ACSL6: variants seen among roughly 807,000 people sequenced by gnomAD.
The protein encoded by ACSL6 is long-chain-fatty-acid--CoA ligase 6.
ACSL6 carries 47 observed loss-of-function variants against 98.2 expected under a neutral mutation model. The observed-to-expected ratio is 0.48, with a 90% CI of 0.38 to 0.61. The LOEUF (loss-of-function observed/expected upper bound fraction) is 0.61, where lower values mean the gene tolerates loss of function less well. Ranked by LOEUF, ACSL6 falls within the 20% of genes least tolerant of loss-of-function variation. The pLI is 0.00. For missense variants in ACSL6, 761 were observed against 913.4 expected, an observed-to-expected ratio of 0.83 and a Z score of 2.15; for synonymous variants, 362 against 336.9, an observed-to-expected ratio of 1.07 and a Z score of -0.82.
chr5:132,010,859 C>T (rs1383805844), intron 1 of ACSL6, among the ~76,000 whole-genome samples: 3 of 152,066 alleles, frequency 2.0e-5, no homozygotes, highest in Non-Finnish European at 4.4e-5. Flanking sequence ...GAGGCGGGAT[C>T]GAGCAGGGGT....
At chr5:131,973,780 G>A (rs553526219) in intron 11 of ACSL6, 1 of 165,700 alleles carries the variant, frequency 6.0e-6, no homozygotes, top group South Asian at 1.8e-4. Context: ...AGGTCTTAGA[G>A]TTGTTGGATT....
rs115302912 is a variant in ACSL6 at position 131,966,477 on chromosome 5, G to A, written c.1652C>T (p.Thr551Met). The A allele has an allele frequency of 3.0e-4, 491 of 1,614,142 alleles. 2 individuals carry two copies. The African/African-American group carries it at 4.8e-3, about 16-fold the overall frequency. The change falls in exon 17 of 21, where the codon ACG becomes ATG. Residue 551 changes from threonine (T) to methionine (M), a missense_variant. Thr to Met is a moderately conservative substitution (Grantham distance 81). Coordinates refer to ENST00000651883, the MANE Select transcript of ACSL6 (RefSeq NM_001009185.3). ...GCCATCGCTGTCCAGGGCCTCCTTC[G>A]TCCTGTCTGGATCTTTCAAGTAGCC... ...FKGYLKDPDR[T>M]KEALDSDGWL...
chr5:131,980,022 C>G (rs943715865), intron 9 of ACSL6, among the ~76,000 whole-genome samples: 1 of 152,162 alleles, frequency 6.6e-6, no homozygotes, highest in South Asian at 2.1e-4. Context: ...ACGATCTGCC[C>G]TGATTGGATG....
At chr5:131,987,788 A>G (rs1754276430) in intron 7 of ACSL6, among the ~76,000 whole-genome samples, 1 of 152,182 alleles carries the variant, frequency 6.6e-6, no homozygotes, top group African/African-American at 2.4e-5. Flanking sequence ...GTAAGCTGGC[A>G]CCACGGTCCA....
In ACSL6 at chr5:131,975,768, G is replaced by A. The variant is rs539053889; in HGVS notation, c.991-798C>T. 53 of 985,468 alleles carry A rather than the reference G, an allele frequency of 5.4e-5. No homozygotes were observed. In the African/African-American group the frequency reaches 8.2e-4, roughly 15 times the overall value. The allele number at this position is 985,468 out of a possible 1,614,324, so 61.0% of individuals were successfully genotyped here. A position where few individuals can be genotyped will look rare whatever the true frequency, so the allele number is the denominator to read the frequency against. On this transcript the variant is annotated intron_variant, in intron 10 of 20. Transcript: ENST00000651883. ...ACAAGGCTTGGGATCTGGGTGGGCTGTGCCTCCACGTGCTCTCCTCTGCTG... is the reference window on the plus strand; with the variant it reads ...ACAAGGCTTGGGATCTGGGTGGGCTATGCCTCCACGTGCTCTCCTCTGCTG...
At chr5:131,985,364 G>A (rs2126877247) in intron 9 of ACSL6, 43 bp downstream of exon 9, 2 of 1,611,756 alleles carry the variant, frequency 1.2e-6, no homozygotes, top group African/African-American at 1.3e-5. Flanking sequence ...ACCAGGGAAG[G>A]GTGCAGGTAG....
intron 15 of ACSL6, among the ~76,000 whole-genome samples, chr5:131,968,666 T>C (rs1282786806): frequency 6.6e-6 from 1 of 152,156 alleles, no homozygotes; most frequent in Non-Finnish European, 1.5e-5. Context: ...CTTGGTCAAA[T>C]TTACCACAAA....
At chr5:131,961,308 A>AACC (rs1752694292) in intron 18 of ACSL6, among the ~76,000 whole-genome samples, 1 of 152,076 alleles carries the variant, frequency 6.6e-6, no homozygotes, top group South Asian at 2.1e-4. Flanking sequence ...TACAGGCGTG[A>AACC]ACCACCATGC....
chr5:131,959,647 A>G, intron 19 of ACSL6, 40 bp from the exon 20 acceptor site: 2 of 1,588,046 alleles, frequency 1.3e-6, no homozygotes, highest in Non-Finnish European at 1.7e-6. Flanking sequence ...AGACAAGAAC[A>G]CATTTCAAAA....
chr5:131,986,101 G>T (rs1754163282), intron 8 of ACSL6, among the ~76,000 whole-genome samples: 1 of 152,232 alleles, frequency 6.6e-6, no homozygotes, highest in Non-Finnish European at 1.5e-5. Context: ...TTTGGGGAGA[G>T]GAACCAGCCT....
At chr5:132,005,883 C>A (rs1236783793) in intron 1 of ACSL6, among the ~76,000 whole-genome samples, 1 of 152,174 alleles carries the variant, frequency 6.6e-6, no homozygotes, top group African/African-American at 2.4e-5. Context: ...GCCCAGTCAA[C>A]CTGGGCCTAC....
rs947503094 is a variant in ACSL6 at position 131,986,818 on chromosome 5, T to C, written c.864+4A>G. Reference sequence around the variant, plus strand: ...AATAAAGACCTGCAGGTGAATTCGCTTACCACAGGAGCCTGGTGATTCTCT... The same window carrying C: ...AATAAAGACCTGCAGGTGAATTCGCCTACCACAGGAGCCTGGTGATTCTCT... On this transcript the variant is annotated splice_donor_region_variant and intron_variant, in intron 8 of 20. Coordinates refer to ENST00000651883, the MANE Select transcript of ACSL6 (RefSeq NM_001009185.3). The C allele has an allele frequency of 6.2e-7, 1 of 1,614,180 alleles. No homozygotes were observed. The highest frequency in any genetic ancestry group is 8.5e-7 in the Non-Finnish European group (1 of 1,180,026).
chr5:131,979,064 G>A (rs1753768457), intron 9 of ACSL6, among the ~76,000 whole-genome samples: 1 of 152,186 alleles, frequency 6.6e-6, no homozygotes, highest in Admixed American at 6.5e-5. Flanking sequence ...AAGAAAAAGT[G>A]CCATGGGGTC....
chr5:131,986,969 ATACCCACACACT>A (rs1192330643), intron 7 of ACSL6, 115 bp from the exon 8 acceptor site: 47 of 966,588 alleles, frequency 4.9e-5, no homozygotes, highest in Non-Finnish European at 6.1e-5. Flanking sequence ...ACACACACAC[ATACCCACACACT>A]CACACACACA....
chr5:131,969,662 T>C (rs1580641948), intron 15 of ACSL6, among the ~76,000 whole-genome samples: 2 of 152,336 alleles, frequency 1.3e-5, no homozygotes, highest in South Asian at 2.1e-4. Flanking sequence ...GAATTGGACC[T>C]GACGTGTAAA....
At chr5:131,994,442 G>A in intron 1 of ACSL6, 191 bp from the exon 2 acceptor site, 3 of 588,916 alleles carry the variant, frequency 5.1e-6, no homozygotes, top group Non-Finnish European at 6.0e-6. Flanking sequence ...AGAACCTTCT[G>A]CCGTCACACC....
intron 10 of ACSL6, chr5:131,975,373 C>T: frequency 2.0e-6 from 2 of 985,444 alleles, no homozygotes; most frequent in Non-Finnish European, 2.4e-6. Context: ...GGCTCTCTCC[C>T]CTTCCTCCCC....
chr5:131,998,450 T>G (rs538423444), intron 1 of ACSL6, among the ~76,000 whole-genome samples: 12 of 152,316 alleles, frequency 7.9e-5, no homozygotes, highest in Admixed American at 7.8e-4. Context: ...CTCTGCTGAT[T>G]TAGGGCAATC....
chr5:131,960,409 GA>G (rs779662534), intron 19 of ACSL6, 110 bp downstream of exon 19: 39 of 770,602 alleles, frequency 5.1e-5, no homozygotes, highest in Non-Finnish European at 7.1e-5. Flanking sequence ...AGTAATGTTA[GA>G]AATTTCGTAC....
Sources: gnomAD v4.1 joint callset for allele counts (sites outside exome capture counted in the v4.1 genomes callset) on GRCh38, gnomAD v4.1.1 for gene constraint, MANE v1.5 for transcripts, NCBI Gene and HGNC (gene_info 2026-07-23, HGNC 2026-07-21) for gene names.